The following GSE1 variants were observed in gnomAD, a reference collection of about 807,000 sequenced individuals.
GSE1 encodes Gse1 coiled-coil protein, also known as genetic suppressor element 1.
A neutral mutation model predicts 112.6 loss-of-function variants in GSE1; 32 were observed. The observed-to-expected ratio is 0.28, with a 90% CI of 0.21 to 0.38. The LOEUF is 0.38. GSE1 is among the 10% of genes least tolerant of loss of function. GSE1 has a pLI of 1.00. For missense variants in GSE1, 2,348 were observed against 1,699.2 expected (o/e 1.38, Z -6.71); for synonymous variants, 1,115 against 735.6 (o/e 1.52, Z -8.35).
chr16:85,656,922 T>G (rs2052009070), intron 7 of GSE1, among the ~76,000 whole-genome samples: 1 of 152,230 alleles, frequency 6.6e-6, no homozygotes, highest in African/African-American at 2.4e-5. Flanking sequence ...TTTGAGTGCT[T>G]CGTTGATTTT....
chr16:85,625,846 G>A (rs2049031545), intron 1 of GSE1, among the ~76,000 whole-genome samples: 1 of 152,148 alleles, frequency 6.6e-6, no homozygotes, highest in Non-Finnish European at 1.5e-5. Context: ...GGCAGCGTCT[G>A]GGGGCTCCTG....
chr16:85,477,806 C>T (rs2050507661), intron 2 of GSE1, among the ~76,000 whole-genome samples: 3 of 151,830 alleles, frequency 2.0e-5, no homozygotes, highest in African/African-American at 7.3e-5. Context: ...GTGATCCGCC[C>T]GCCTCGGCCT....
intron 2 of GSE1, among the ~76,000 whole-genome samples, chr16:85,368,906 C>G (rs1238907526): frequency 6.6e-6 from 1 of 152,064 alleles, no homozygotes; most frequent in Non-Finnish European, 1.5e-5. Flanking sequence ...TGCGGGCTCC[C>G]TGAGTTGAGC....
intron 1 of GSE1, among the ~76,000 whole-genome samples, chr16:85,184,574 C>A (rs958604302): frequency 6.6e-6 from 1 of 152,228 alleles, no homozygotes; most frequent in Non-Finnish European, 1.5e-5. Flanking sequence ...ATTATCCCTA[C>A]TTTAATAGAG....
intron 2 of GSE1, among the ~76,000 whole-genome samples, chr16:85,514,569 C>T (rs1304458801): frequency 6.6e-6 from 1 of 152,156 alleles, no homozygotes; most frequent in Non-Finnish European, 1.5e-5. Context: ...GCACGGCCTC[C>T]GGGAAGGCGG....
chr16:85,660,779 C>A (rs112477997), intron 8 of GSE1, among the ~76,000 whole-genome samples: 8,071 of 151,930 alleles, frequency 0.053, 755 homozygotes, highest in African/African-American at 0.19. Context: ...TACAGGCACC[C>A]GCCACCATGC....
chr16:85,451,172 C>T (rs1313723510), intron 2 of GSE1, among the ~76,000 whole-genome samples: 1 of 151,288 alleles, frequency 6.6e-6, no homozygotes, highest in Non-Finnish European at 1.5e-5. Context: ...GGTGAATTCT[C>T]ACAATCATAT....
chr16:85,222,716 G>A (rs982065895), intron 1 of GSE1, among the ~76,000 whole-genome samples: 1 of 152,146 alleles, frequency 6.6e-6, no homozygotes, highest in African/African-American at 2.4e-5. Flanking sequence ...CCGTCTCTGC[G>A]TGGACTGCCG....
chr16:85,270,732 G>A (rs754281030), intron 1 of GSE1, among the ~76,000 whole-genome samples: 1 of 126,156 alleles, frequency 7.9e-6, no homozygotes, highest in Non-Finnish European at 2.0e-5. Context: ...GCTCCCGCCA[G>A]CTGGAGAGAA....
intron 2 of GSE1, among the ~76,000 whole-genome samples, chr16:85,420,711 A>C (rs1653504750): frequency 6.6e-6 from 1 of 152,146 alleles, no homozygotes; most frequent in African/African-American, 2.4e-5. Flanking sequence ...CAGCACTCTC[A>C]GGGGTGGCTA....
At chr16:85,246,775 T>C (rs888111977) in intron 1 of GSE1, among the ~76,000 whole-genome samples, 1 of 151,908 alleles carries the variant, frequency 6.6e-6, no homozygotes, top group African/African-American at 2.4e-5. Context: ...GGGCACCCTC[T>C]GGGGGAGCCT....
intron 2 of GSE1, among the ~76,000 whole-genome samples, chr16:85,638,506 C>T (rs1170983147): frequency 6.6e-6 from 1 of 152,192 alleles, no homozygotes; most frequent in Non-Finnish European, 1.5e-5. Context: ...TCCGGGCAGG[C>T]CGCTTTGCCT....
intron 2 of GSE1, among the ~76,000 whole-genome samples, chr16:85,455,743 C>T (rs1311412655): frequency 6.6e-6 from 1 of 152,378 alleles, no homozygotes; most frequent in East Asian, 1.9e-4. Context: ...GTTCTGCTCT[C>T]AGTTTCTGAC....
intron 2 of GSE1, among the ~76,000 whole-genome samples, chr16:85,540,374 A>C (rs1023919652): frequency 6.6e-6 from 1 of 152,130 alleles, no homozygotes; most frequent in African/African-American, 2.4e-5. Flanking sequence ...CTCACACGGA[A>C]TAGGTAGTTC....
chr16:85,434,787 A>G (rs1338206138), intron 2 of GSE1, among the ~76,000 whole-genome samples: 1 of 152,232 alleles, frequency 6.6e-6, no homozygotes, highest in Non-Finnish European at 1.5e-5. Context: ...TCTGCACTCC[A>G]GCCTGGGAGA....
At chr16:85,532,001 T>C (rs1028865918) in intron 2 of GSE1, among the ~76,000 whole-genome samples, 6 of 152,080 alleles carry the variant, frequency 3.9e-5, no homozygotes, top group Admixed American at 6.5e-5. Context: ...GACCCGGGTG[T>C]CTAGGGAGAC....
intron 2 of GSE1, among the ~76,000 whole-genome samples, chr16:85,368,925 G>A (rs1033341041): frequency 3.3e-5 from 5 of 152,106 alleles, no homozygotes; most frequent in African/African-American, 1.2e-4. Flanking sequence ...GCACATGGAG[G>A]GGGTCCTGCC....
At chr16:85,343,942 C>T (rs534170863) in intron 1 of GSE1, among the ~76,000 whole-genome samples, 1 of 152,332 alleles carries the variant, frequency 6.6e-6, no homozygotes, top group African/African-American at 2.4e-5. Context: ...TCAAATGCAA[C>T]CGGGCACAGT....
At chr16:85,245,945 T>G (rs2143969000) in intron 1 of GSE1, among the ~76,000 whole-genome samples, 1 of 148,104 alleles carries the variant, frequency 6.8e-6, no homozygotes, top group South Asian at 2.2e-4. Flanking sequence ...GTGTGTTAGT[T>G]GGGGAGCAGG....
Sources: gnomAD v4.1 joint callset for allele counts (sites outside exome capture counted in the v4.1 genomes callset) on GRCh38, gnomAD v4.1.1 for gene constraint, MANE v1.5 for transcripts, NCBI Gene and HGNC (gene_info 2026-07-23, HGNC 2026-07-21) for gene names.